EFCAB6: variants seen among roughly 807,000 people sequenced by gnomAD.
EFCAB6 encodes the protein EF-hand calcium binding domain 6.
A neutral mutation model predicts 169.8 loss-of-function variants in EFCAB6; 156 were observed. That is an observed-to-expected ratio of 0.92 (90% CI 0.81 to 1.05). The LOEUF (loss-of-function observed/expected upper bound fraction) is 1.05. Among genes scored for constraint, EFCAB6 ranks in the 50% least tolerant of loss-of-function variants. The pLI, the probability that EFCAB6 is intolerant of heterozygous loss-of-function variation, is 0.00. For synonymous variants in EFCAB6, 698 were observed against 676.4 expected (o/e 1.03, Z -0.50); for missense variants, 1,800 against 1,829.1 (o/e 0.98, Z 0.29).
chr22:43,780,302 C>T (rs777113573), intron 3 of EFCAB6, among the ~76,000 whole-genome samples: 8 of 151,920 alleles, frequency 5.3e-5, no homozygotes, highest in Non-Finnish European at 1.2e-4. Context: ...GCCTGGCCAA[C>T]ATGGTGAAAT....
At chr22:43,568,791 T>G (rs1216270800) in intron 26 of EFCAB6, among the ~76,000 whole-genome samples, 1 of 152,156 alleles carries the variant, frequency 6.6e-6, no homozygotes, top group East Asian at 1.9e-4. Flanking sequence ...ACTCCCAGGT[T>G]TGAGAAAATT....
At chr22:43,653,522 G>A (rs2056585097) in intron 17 of EFCAB6, among the ~76,000 whole-genome samples, 1 of 152,132 alleles carries the variant, frequency 6.6e-6, no homozygotes, top group South Asian at 2.1e-4. Flanking sequence ...TAAACAGCTT[G>A]GAAGTCATCA....
At chr22:43,758,656 T>C (rs2061043165) in intron 5 of EFCAB6, among the ~76,000 whole-genome samples, 1 of 152,112 alleles carries the variant, frequency 6.6e-6, no homozygotes, top group African/African-American at 2.4e-5. Flanking sequence ...TTTGCCACTT[T>C]CTTTGCTTTT....
chr22:43,763,146 C>A (rs1386907425), intron 5 of EFCAB6, among the ~76,000 whole-genome samples: 1 of 152,152 alleles, frequency 6.6e-6, no homozygotes, highest in Non-Finnish European at 1.5e-5. Flanking sequence ...TCAAGTGATA[C>A]TCCTGCCTCA....
chr22:43,807,925 C>T (rs902528124), intron 2 of EFCAB6, among the ~76,000 whole-genome samples: 9 of 152,116 alleles, frequency 5.9e-5, no homozygotes, highest in East Asian at 1.9e-4. Flanking sequence ...AAACCTTTGA[C>T]GTCAAGCAGG....
intron 23 of EFCAB6, among the ~76,000 whole-genome samples, chr22:43,596,446 T>C (rs2052014117): frequency 1.3e-5 from 2 of 152,036 alleles, no homozygotes; most frequent in East Asian, 1.9e-4. Context: ...CATTTCTATA[T>C]GTTAACAGTG....
intron 13 of EFCAB6, among the ~76,000 whole-genome samples, chr22:43,676,942 C>G (rs1374728584): frequency 6.6e-6 from 1 of 152,162 alleles, no homozygotes; most frequent in Non-Finnish European, 1.5e-5. Flanking sequence ...CAGATCCATT[C>G]AGTAGAAACA....
chr22:43,775,814 G>A (rs1037605612), intron 3 of EFCAB6, among the ~76,000 whole-genome samples: 1 of 152,286 alleles, frequency 6.6e-6, no homozygotes, highest in East Asian at 1.9e-4. Context: ...AGCCACCCTG[G>A]CAGGCCACAT....
At chr22:43,553,746 GC>G (rs1239104420) in intron 27 of EFCAB6, 1 of 152,402 alleles carries the variant, frequency 6.6e-6, no homozygotes, top group African/African-American at 2.4e-5. Context: ...GGTGCTCTTG[GC>G]CTTGGAAGGC....
intron 10 of EFCAB6, among the ~76,000 whole-genome samples, chr22:43,687,836 G>T (rs2058261300): frequency 6.6e-6 from 1 of 152,240 alleles, no homozygotes; most frequent in Non-Finnish European, 1.5e-5. Flanking sequence ...AGAATCTAAG[G>T]GATTTGATTA....
At chr22:43,598,310 G>GAAAAAA (rs1402967848) in intron 23 of EFCAB6, among the ~76,000 whole-genome samples, 1,865 of 57,420 alleles carry the variant, frequency 0.032, 7 homozygotes, top group East Asian at 0.12. Context: ...ACTGTCTCCG[G>GAAAAAA]GAAAAAAAAA....
intron 10 of EFCAB6, among the ~76,000 whole-genome samples, chr22:43,698,528 C>CAAAATT (rs1308019335): frequency 6.6e-6 from 1 of 152,170 alleles, no homozygotes; most frequent in Non-Finnish European, 1.5e-5. Flanking sequence ...CTCAGACCCA[C>CAAAATT]AAAATTCAAT....
intron 5 of EFCAB6, among the ~76,000 whole-genome samples, chr22:43,762,654 T>C (rs1309709367): frequency 1.3e-5 from 2 of 152,200 alleles, no homozygotes; most frequent in South Asian, 2.1e-4. Context: ...GCTTCACGAG[T>C]AAATCAGAAA....
intron 9 of EFCAB6, among the ~76,000 whole-genome samples, chr22:43,716,446 CTATTA>C (rs1210884361): frequency 1.3e-5 from 2 of 152,000 alleles, no homozygotes; most frequent in Non-Finnish European, 2.9e-5. Context: ...AGTAAGTCCT[CTATTA>C]TAATTTTTCA....
chr22:43,548,144 G>A lies in EFCAB6; in HGVS notation c.3648+6725C>T, dbSNP rs151224111. 7.9e-5 allele frequency among the ~76,000 whole-genome samples: 12 copies of A among 152,264 alleles called. No individual in the cohort carries two copies. In the East Asian group the frequency reaches 2.3e-3, roughly 29 times the overall value. ...GATATAAAAGAGATGAGCATTAAAT[G>A]AAAGCACTTTTGATGACAGAAATAA... On this transcript the variant is annotated intron_variant, in intron 27 of 31. Coordinates refer to ENST00000262726, the MANE Select transcript of EFCAB6 (RefSeq NM_022785.4).
At chr22:43,638,802 T>C (rs76185884) in intron 17 of EFCAB6, among the ~76,000 whole-genome samples, 4 of 150,612 alleles carry the variant, frequency 2.7e-5, no homozygotes, top group Middle Eastern at 3.5e-3. Flanking sequence ...TTTTTTTTTT[T>C]GAGACGGAGT....
intron 27 of EFCAB6, chr22:43,553,442 C>A (rs1046272062): frequency 3.3e-5 from 5 of 152,318 alleles, no homozygotes; most frequent in Non-Finnish European, 5.9e-5. Flanking sequence ...ACTTCTGTAA[C>A]TGGATCAGTG....
In EFCAB6 at chr22:43,628,484, G is replaced by A. The variant is rs955233932; in HGVS notation, c.2233-1805C>T. ...CTGCTCTGTGCAATCGCTCCCGAGC[G>A]ATCCCTTACAGCTGACGTCATGCAT... On this transcript the variant is annotated intron_variant, in intron 19 of 31. Coordinates refer to ENST00000262726, the MANE Select transcript of EFCAB6 (RefSeq NM_022785.4). This position sits in a 1 kb window ranked among gnomAD's most constrained non-coding sequence, Gnocchi z 4.8. 6.6e-6 allele frequency among the ~76,000 whole-genome samples: 1 copy of A among 152,102 alleles called. No individual in the cohort carries two copies. Among genetic ancestry groups the A allele is most frequent in the Non-Finnish European group, 1.5e-5 (1 of 68,014 alleles).
intron 10 of EFCAB6, among the ~76,000 whole-genome samples, chr22:43,704,089 T>C (rs2044951709): frequency 6.6e-6 from 1 of 151,026 alleles, no homozygotes; most frequent in African/African-American, 2.4e-5. Context: ...CTATCAAAAA[T>C]CAAATACAAA....
Sources: allele counts gnomAD v4.1 joint callset (sites outside exome capture counted in the v4.1 genomes callset), GRCh38; gene constraint gnomAD v4.1.1; non-coding constraint Gnocchi (gnomAD v3.1); transcripts MANE v1.5; gene names NCBI Gene and HGNC (gene_info 2026-07-23, HGNC 2026-07-21).